Variants in RHOBTB2 observed in about 807,000 individuals in gnomAD.
The protein encoded by RHOBTB2 is rho-related BTB domain-containing protein 2.
RHOBTB2 carries 39 observed loss-of-function variants against 66.5 expected under a neutral mutation model. The observed-to-expected ratio is 0.59, with a 90% CI of 0.45 to 0.77. The LOEUF (loss-of-function observed/expected upper bound fraction) is 0.77. Among genes scored for constraint, RHOBTB2 ranks in the 30% least tolerant of loss-of-function variants. RHOBTB2 has a pLI of 0.00. For missense variants in RHOBTB2, 755 were observed against 999.1 expected, an observed-to-expected ratio of 0.76 and a Z score of 3.29; for synonymous variants, 390 against 395.0, an observed-to-expected ratio of 0.99 and a Z score of 0.15.
intron 1 of RHOBTB2, among the ~76,000 whole-genome samples, chr8:23,000,581 T>C (rs1327072516): frequency 6.6e-6 from 1 of 152,212 alleles, no homozygotes; most frequent in Non-Finnish European, 1.5e-5. Flanking sequence ...TTTGGTGATG[T>C]GTCCACATTT....
At chr8:22,982,237 G>A in the RHOBTB2 span, among the ~76,000 whole-genome samples, 55 of 152,278 alleles carry the variant, frequency 3.6e-4, no homozygotes, top group African/African-American at 1.3e-3. Flanking sequence ...TTTTAAACCC[G>A]TTCTCCCTGT....
chr8:22,984,333 A>G (rs534737181), upstream of RHOBTB2, among the ~76,000 whole-genome samples: 1 of 152,306 alleles, frequency 6.6e-6, no homozygotes, highest in South Asian at 2.1e-4. Context: ...CGGAGGTAGA[A>G]ATTGGAAGTC....
upstream of RHOBTB2, among the ~76,000 whole-genome samples, chr8:22,984,383 G>C (rs944470427): frequency 6.6e-6 from 1 of 152,236 alleles, no homozygotes; most frequent in Non-Finnish European, 1.5e-5. Context: ...TGTATTGATT[G>C]TGTAATACAT....
At chr8:22,967,868 A>G in the RHOBTB2 span, among the ~76,000 whole-genome samples, 3 of 151,908 alleles carry the variant, frequency 2.0e-5, no homozygotes, top group Non-Finnish European at 4.4e-5. Context: ...AAAAATGGTT[A>G]AAATGGGGCT....
rs1810946282 is a variant in RHOBTB2, at chr8:23,006,231, C to T, written c.482+86C>T. 1.8e-6 allele frequency: 2 copies of T among 1,140,898 alleles called. No homozygotes were observed. The highest frequency in any genetic ancestry group is 2.2e-5 in the Admixed American group (1 of 46,314). The allele number at this position is 1,140,898 out of a possible 1,614,324, so 70.7% of individuals were successfully genotyped here. The stretch of plus-strand genomic sequence containing the variant: ...TCAGCCCTGGGGGAATTCCACTGAG[C>T]CTCATATCTCTCCCTCCATTTGGAG... On this transcript the variant is annotated intron_variant, in intron 4 of 9. Transcript: ENST00000251822. This position sits in a 1 kb window ranked among gnomAD's most constrained non-coding sequence, Gnocchi z 6.1.
chr8:23,009,146 C>T (rs1811058417), intron 6 of RHOBTB2, among the ~76,000 whole-genome samples: 1 of 124,100 alleles, frequency 8.1e-6, no homozygotes, highest in Non-Finnish European at 1.6e-5. Flanking sequence ...ACACAGACAC[C>T]ATCTCTACAG....
chr8:22,958,859 A>G, the RHOBTB2 span, among the ~76,000 whole-genome samples: 1 of 146,142 alleles, frequency 6.8e-6, no homozygotes, highest in Non-Finnish European at 1.5e-5. Flanking sequence ...CTCTGAGGCT[A>G]TGGGTACACA....
chr8:22,956,464 CT>C, the RHOBTB2 span, among the ~76,000 whole-genome samples: 1 of 152,018 alleles, frequency 6.6e-6, no homozygotes. Context: ...TGTGTAGCCC[CT>C]CCCCCTCCTC....
chr8:22,963,577 C>T, the RHOBTB2 span, among the ~76,000 whole-genome samples: 5 of 151,780 alleles, frequency 3.3e-5, no homozygotes, highest in Admixed American at 6.6e-5. Flanking sequence ...TCCATTCTCA[C>T]GCCGCTGATA....
At position 23,004,464 on chromosome 8, in the gene RHOBTB2, A is replaced by T. The variant is rs1157137214; in HGVS notation, c.30A>T (p.Pro10=). The T allele has an allele frequency of 1.9e-6, 3 of 1,614,134 alleles. No individual in the cohort carries two copies. The South Asian group carries it at 3.3e-5, about 18-fold the overall frequency. The change falls in exon 2 of 10, where the codon CCA becomes CCT. Residue 10 remains proline (P), a synonymous_variant. Coordinates refer to ENST00000251822, the MANE Select transcript of RHOBTB2 (RefSeq NM_015178.3). This position sits in a 1 kb window ranked among gnomAD's most constrained non-coding sequence, Gnocchi z 6.4. ...ATTCTGACATGGATTATGAAAGGCC[A>T]AACGTAGAGACCATCAAGTGCGTTG... The part of the protein sequence containing the change: MDSDMDYER[P]NVETIKCVVV...
rs1414896751 is a variant in RHOBTB2, at chr8:23,006,035, A to G, written c.372A>G (p.Pro124=). The G allele has an allele frequency of 6.2e-7, 1 of 1,613,836 alleles. No individual in the cohort carries two copies. Among genetic ancestry groups the G allele is most frequent in the East Asian group, 2.2e-5 (1 of 44,850 alleles). ...SLHHVKTMWY[P]EIKHFCPRAP... The stretch of plus-strand genomic sequence containing the variant: ...ACCATGTCAAGACCATGTGGTACCC[A>G]GAAATCAAGCACTTCTGCCCCCGAG... The change falls in exon 4 of 10, where the codon CCA becomes CCG. Residue 124 remains proline (P), a synonymous_variant. Transcript: ENST00000251822. The surrounding 1 kb of genome is among the most constrained non-coding windows in gnomAD (Gnocchi z 6.1).
At chr8:22,952,244 C>T in the RHOBTB2 span, among the ~76,000 whole-genome samples, 1 of 152,056 alleles carries the variant, frequency 6.6e-6, no homozygotes, top group Admixed American at 6.6e-5. Flanking sequence ...CATTGTACAA[C>T]CTAGTTCTGC....
chr8:22,965,397 C>T, the RHOBTB2 span, among the ~76,000 whole-genome samples: 543 of 150,082 alleles, frequency 3.6e-3, 4 homozygotes, highest in African/African-American at 0.012. Context: ...ATCAAAATCC[C>T]AATTATGCTT....
chr8:22,965,087 G>A, the RHOBTB2 span, among the ~76,000 whole-genome samples: 8 of 152,056 alleles, frequency 5.3e-5, no homozygotes, highest in African/African-American at 1.9e-4. Flanking sequence ...AAAGTGTTTG[G>A]ATTACAAGTG....
chr8:22,977,790 A>G, the RHOBTB2 span: 8 of 152,264 alleles, frequency 5.3e-5, no homozygotes, highest in African/African-American at 1.9e-4. Flanking sequence ...ACTAGATAAT[A>G]TTGGGGAATT....
At chr8:22,996,388 A>G (rs2128799042), upstream of RHOBTB2, among the ~76,000 whole-genome samples, 1 of 152,304 alleles carries the variant, frequency 6.6e-6, no homozygotes, top group South Asian at 2.1e-4. Flanking sequence ...ACCCACCAGC[A>G]GAAGCAGATT....
the RHOBTB2 span, among the ~76,000 whole-genome samples, chr8:22,955,072 A>G: frequency 6.6e-6 from 1 of 152,174 alleles, no homozygotes; most frequent in Non-Finnish European, 1.5e-5. Context: ...CAGAGGTTGC[A>G]ATAAGCCGAG....
At chr8:22,992,960 T>G (rs1162435130) in intron 2 of RHOBTB2, among the ~76,000 whole-genome samples, 2 of 152,128 alleles carry the variant, frequency 1.3e-5, no homozygotes, top group African/African-American at 2.4e-5. Context: ...TGGAAGTGGA[T>G]TCTTCAGGTC....
intron 3 of RHOBTB2, 124 bp from the exon 4 acceptor site, chr8:23,005,836 G>T: frequency 1.2e-6 from 1 of 823,080 alleles, no homozygotes. Flanking sequence ...TTTGTGTCAA[G>T]AGCACGTGAG....
Sources: allele counts gnomAD v4.1 joint callset (sites outside exome capture counted in the v4.1 genomes callset), GRCh38; gene constraint gnomAD v4.1.1; non-coding constraint Gnocchi (gnomAD v3.1); transcripts MANE v1.5; gene names NCBI Gene and HGNC (gene_info 2026-07-23, HGNC 2026-07-21).